The following CNTNAP2 variants were observed in gnomAD, a reference collection of about 807,000 sequenced individuals.
CNTNAP2 encodes contactin-associated protein-like 2.
CNTNAP2 carries 98 observed loss-of-function variants against 155.2 expected under a neutral mutation model. That is an observed-to-expected ratio of 0.63 (90% CI 0.54 to 0.75). CNTNAP2 has a LOEUF of 0.75. Ranked by LOEUF, CNTNAP2 falls within the 30% of genes least tolerant of loss-of-function variation. The probability of loss-of-function intolerance (pLI) is 0.00; values close to 1 mark genes in which losing one functional copy is unlikely to be tolerated. For synonymous variants in CNTNAP2, 651 were observed against 631.2 expected (o/e 1.03, Z -0.47); for missense variants, 1,727 against 1,688.1 (o/e 1.02, Z -0.40).
intron 1 of CNTNAP2, among the ~76,000 whole-genome samples, chr7:146,156,746 G>A (rs894852418): frequency 2.0e-5 from 3 of 152,108 alleles, no homozygotes; most frequent in Non-Finnish European, 4.4e-5. Context: ...GGGATTACAG[G>A]CACCTGCCCC....
At chr7:146,772,754 A>G (rs1317116324) in intron 1 of CNTNAP2, among the ~76,000 whole-genome samples, 1 of 152,200 alleles carries the variant, frequency 6.6e-6, no homozygotes, top group East Asian at 1.9e-4. Context: ...AGATAAGACT[A>G]GTGTTGTGGC....
At chr7:146,814,531 C>T (rs576708447) in intron 2 of CNTNAP2, among the ~76,000 whole-genome samples, 9 of 152,158 alleles carry the variant, frequency 5.9e-5, no homozygotes, top group East Asian at 3.9e-4. Context: ...AAACTATAGA[C>T]CAAATGTTTG....
chr7:148,305,116 G>C (rs28710040), intron 21 of CNTNAP2, among the ~76,000 whole-genome samples: 2 of 148,774 alleles, frequency 1.3e-5, no homozygotes, highest in Admixed American at 6.8e-5. Flanking sequence ...CCAGCTACTT[G>C]GGAGGCTGAA....
In CNTNAP2 at chr7:146,998,877, A is replaced by G. The variant is rs184803280; in HGVS notation, c.403-45030A>G. On this transcript the variant is annotated intron_variant, in intron 3 of 23. Transcript: ENST00000361727. ...GTTTCCATTCCCTCATTTTTAGTCC[A>G]TATGTGCCCTTACCTGTGAAACTGT... 5.7e-4 allele frequency among the ~76,000 whole-genome samples: 86 copies of G among 152,040 alleles called. 2 individuals carry two copies. The East Asian group carries it at 0.013, about 23-fold the overall frequency.
intron 8 of CNTNAP2, among the ~76,000 whole-genome samples, chr7:147,247,039 A>T (rs1194668828): frequency 6.6e-6 from 1 of 152,234 alleles, no homozygotes; most frequent in Non-Finnish European, 1.5e-5. Flanking sequence ...TCTCTACTTC[A>T]GTCCCTGTGG....
At chr7:146,949,225 A>G (rs906399288) in intron 3 of CNTNAP2, among the ~76,000 whole-genome samples, 2 of 152,176 alleles carry the variant, frequency 1.3e-5, no homozygotes, top group African/African-American at 2.4e-5. Context: ...CATATTTTTT[A>G]TTGTGACATT....
chr7:146,787,010 T>C (rs1802585233), intron 2 of CNTNAP2: 1 of 152,248 alleles, frequency 6.6e-6, no homozygotes, highest in African/African-American at 2.4e-5. Context: ...TGAGCATATG[T>C]ATGAATAATG....
chr7:146,517,254 C>T (rs1797554783), intron 1 of CNTNAP2, among the ~76,000 whole-genome samples: 2 of 151,912 alleles, frequency 1.3e-5, no homozygotes. Context: ...GTTTCAGATC[C>T]ACTGGGGGTC....
chr7:148,291,826 G>GA (rs948359219), intron 21 of CNTNAP2, among the ~76,000 whole-genome samples: 23 of 151,416 alleles, frequency 1.5e-4, no homozygotes, highest in East Asian at 1.9e-4. Flanking sequence ...GTCAATTTTT[G>GA]AAAAAAAATG....
At chr7:146,491,611 T>C (rs1797140609) in intron 1 of CNTNAP2, among the ~76,000 whole-genome samples, 1 of 152,050 alleles carries the variant, frequency 6.6e-6, no homozygotes, top group Admixed American at 6.6e-5. Context: ...ACTTCGGTAA[T>C]TGGAGAGCGT....
At chr7:148,201,367 A>T (rs543865940) in intron 18 of CNTNAP2, among the ~76,000 whole-genome samples, 2 of 152,218 alleles carry the variant, frequency 1.3e-5, no homozygotes, top group East Asian at 3.8e-4. Context: ...CTTGCTCTTT[A>T]TGTTTGAACC....
At chr7:148,201,327 A>G (rs1381383012) in intron 18 of CNTNAP2, among the ~76,000 whole-genome samples, 1 of 152,164 alleles carries the variant, frequency 6.6e-6, no homozygotes, top group African/African-American at 2.4e-5. Context: ...ACTCTAATCA[A>G]ATTGTTTTAT....
In CNTNAP2 at chr7:146,818,095, T is replaced by C. The variant is rs148628155; in HGVS notation, c.209-21616T>C. On this transcript the variant is annotated intron_variant, in intron 2 of 23. Coordinates refer to ENST00000361727, the MANE Select transcript of CNTNAP2 (RefSeq NM_014141.6). ...CTTTATATTTTTCCTCATTTGTTTA[T>C]AGTGTTTTTTCTCAAATTTTCTTTC... Among the ~76,000 whole-genome samples, 27 of 152,300 alleles carry C rather than the reference T, an allele frequency of 1.8e-4. No individual in the cohort carries two copies. The East Asian group carries it at 3.5e-3, about 20-fold the overall frequency.
chr7:147,797,694 C>A (rs529567563), intron 13 of CNTNAP2, among the ~76,000 whole-genome samples: 47 of 152,214 alleles, frequency 3.1e-4, no homozygotes, highest in African/African-American at 1.0e-3. Flanking sequence ...AATCTCCCAA[C>A]ATTTTTAATG....
chr7:146,382,197 C>T (rs370344961), intron 1 of CNTNAP2, among the ~76,000 whole-genome samples: 20 of 152,230 alleles, frequency 1.3e-4, no homozygotes, highest in East Asian at 1.2e-3. Context: ...TAAGAAGATG[C>T]AATGGGGGAA....
At chr7:146,749,745 G>A (rs576293953) in intron 1 of CNTNAP2, among the ~76,000 whole-genome samples, 2 of 152,272 alleles carry the variant, frequency 1.3e-5, no homozygotes, top group Admixed American at 1.3e-4. Flanking sequence ...TTTAATTGTG[G>A]TAGAAATTTA....
chr7:146,947,570 TATATAC>T lies in CNTNAP2; in HGVS notation c.403-96331_403-96326del, dbSNP rs1478418535. The stretch of plus-strand genomic sequence containing the variant: ...GTGTGTGTGTGTGTATATATATATA[TATATAC>T]ATATATATATATATATATATATGTA... On this transcript the variant is annotated intron_variant, in intron 3 of 23. Transcript: ENST00000361727. 6.2e-3 allele frequency among the ~76,000 whole-genome samples: 160 copies of T among 25,862 alleles called. 1 individual carries two copies. The South Asian group carries it at 0.084, about 14-fold the overall frequency. The allele number at this position is 25,862 out of a possible 152,430, so 17.0% of individuals were successfully genotyped here. A position where few individuals can be genotyped will look rare whatever the true frequency, so the allele number is the denominator to read the frequency against.
At chr7:146,893,170 G>C (rs1416652836) in intron 3 of CNTNAP2, among the ~76,000 whole-genome samples, 3 of 151,900 alleles carry the variant, frequency 2.0e-5, no homozygotes, top group African/African-American at 7.2e-5. Context: ...TGCCCCTTTT[G>C]TTCTTTCTAC....
At chr7:147,081,000 A>G (rs919197310) in intron 4 of CNTNAP2, 32 of 152,206 alleles carry the variant, frequency 2.1e-4, no homozygotes, top group Non-Finnish European at 5.9e-5. Context: ...TTTATTTCAT[A>G]TGACATCAAC....
Sources: gnomAD v4.1 joint callset for allele counts (sites outside exome capture counted in the v4.1 genomes callset) on GRCh38, gnomAD v4.1.1 for gene constraint, MANE v1.5 for transcripts, NCBI Gene and HGNC (gene_info 2026-07-23, HGNC 2026-07-21) for gene names.